KBTBD2: variants seen among roughly 807,000 people sequenced by gnomAD.
KBTBD2 encodes kelch repeat and BTB domain containing 2.
A neutral mutation model predicts 57.1 loss-of-function variants in KBTBD2; 17 were observed. The observed-to-expected ratio is 0.30, with a 90% confidence interval of 0.20 to 0.45. The LOEUF (loss-of-function observed/expected upper bound fraction) is 0.45, where lower values mean the gene tolerates loss of function less well. KBTBD2 is among the 20% of genes least tolerant of loss of function. The pLI, the probability that KBTBD2 is intolerant of heterozygous loss-of-function variation, is 1.00. For missense variants in KBTBD2, 515 were observed against 750.6 expected (o/e 0.69, Z 3.67); for synonymous variants, 267 against 262.7 (o/e 1.02, Z -0.16).
At position 32,869,216 on chromosome 7, in the gene KBTBD2, G is replaced by A; in HGVS notation, c.*129C>T. 3.2e-6 allele frequency: 2 copies of A among 623,976 alleles called. No homozygotes were observed. The highest frequency in any genetic ancestry group is 2.8e-6 in the Non-Finnish European group (1 of 362,074). The allele number at this position is 623,976 out of a possible 1,614,324, so 38.7% of individuals were successfully genotyped here. ...TTATACTGATGCAAATATTAAGTAG[G>A]GCATAAAAATAAAATTTATCAAAGA... On this transcript the variant is annotated 3_prime_UTR_variant, in exon 4 of 4. Coordinates refer to ENST00000304056, the MANE Select transcript of KBTBD2 (RefSeq NM_015483.3).
intron 1 of KBTBD2, among the ~76,000 whole-genome samples, chr7:32,884,560 C>A (rs1348775437): frequency 6.6e-6 from 1 of 151,528 alleles, no homozygotes; most frequent in East Asian, 1.9e-4. Context: ...TGTGATGGTG[C>A]GTGCCTGTAA....
intron 1 of KBTBD2, 144 bp downstream of exon 1, chr7:32,891,392 G>C (rs3750080): frequency 0.2 from 29,603 of 148,380 alleles, 3,667 homozygotes; most frequent in Admixed American, 0.4. Context: ...GAAGCGTCTC[G>C]GGTTTGAAAG....
At chr7:32,884,169 TA>T (rs1051908243) in intron 1 of KBTBD2, among the ~76,000 whole-genome samples, 1 of 152,176 alleles carries the variant, frequency 6.6e-6, no homozygotes, top group Non-Finnish European at 1.5e-5. Flanking sequence ...AAGACCTATT[TA>T]AACCTTCTGG....
At chr7:32,884,685 A>T (rs1037807176) in intron 1 of KBTBD2, among the ~76,000 whole-genome samples, 1 of 151,954 alleles carries the variant, frequency 6.6e-6, no homozygotes, top group African/African-American at 2.4e-5. Flanking sequence ...AGAGAGACTC[A>T]GTCTCAAAAA....
chr7:32,881,902 T>C (rs143098193), intron 1 of KBTBD2, among the ~76,000 whole-genome samples: 18 of 152,316 alleles, frequency 1.2e-4, no homozygotes, highest in South Asian at 4.1e-4. Context: ...CCAGATTTTA[T>C]AGAGGTATTG....
chr7:32,885,790 CTTT>C (rs919109653), intron 1 of KBTBD2, among the ~76,000 whole-genome samples: 1 of 152,040 alleles, frequency 6.6e-6, no homozygotes, highest in African/African-American at 2.4e-5. Flanking sequence ...CTTACTCCTT[CTTT>C]TAAGTCCTGC....
intron 3 of KBTBD2, among the ~76,000 whole-genome samples, chr7:32,873,384 C>CAA (rs544661966): frequency 0.25 from 26,703 of 107,494 alleles, 3,611 homozygotes; most frequent in African/African-American, 0.37. Flanking sequence ...AAGCTCTAAG[C>CAA]AAAAAAAAAA....
At chr7:32,880,604 A>C (rs573718313) in intron 1 of KBTBD2, among the ~76,000 whole-genome samples, 1 of 152,018 alleles carries the variant, frequency 6.6e-6, no homozygotes, top group Non-Finnish European at 1.5e-5. Context: ...AGAAAACTCC[A>C]TATTACACAA....
chr7:32,888,864 T>C (rs544997729), intron 1 of KBTBD2, among the ~76,000 whole-genome samples: 1 of 152,198 alleles, frequency 6.6e-6, no homozygotes, highest in Non-Finnish European at 1.5e-5. Flanking sequence ...TGTACTATAT[T>C]ATGATTAACA....
chr7:32,884,390 TAA>T (rs11363525), intron 1 of KBTBD2, among the ~76,000 whole-genome samples: 205 of 125,762 alleles, frequency 1.6e-3, no homozygotes, highest in African/African-American at 1.8e-3. Flanking sequence ...ATTTTTAATT[TAA>T]AAAAAAAAAA....
intron 1 of KBTBD2, among the ~76,000 whole-genome samples, chr7:32,882,444 T>C (rs1313173299): frequency 3.9e-5 from 6 of 152,224 alleles, no homozygotes; most frequent in African/African-American, 1.4e-4. Context: ...GACTGGGTTT[T>C]GCCAGATTTG....
At chr7:32,871,883 C>A (rs971034474) in intron 3 of KBTBD2, among the ~76,000 whole-genome samples, 3 of 151,816 alleles carry the variant, frequency 2.0e-5, no homozygotes, top group Non-Finnish European at 4.4e-5. Context: ...TGCATTTGAG[C>A]AAGCAGAAGT....
upstream of KBTBD2, chr7:32,891,893 C>CCCGCCGCCCCCGCCGCCCCCGCCGCCG (rs1368264288): frequency 4.5e-5 from 5 of 110,708 alleles, no homozygotes; most frequent in African/African-American, 1.8e-4. Flanking sequence ...CCCCGCCGCC[C>CCCGCCGCCCCCGCCGCCCCCGCCGCCG]CCGCCCCCGC....
At chr7:32,874,889 T>C in intron 3 of KBTBD2, 103 bp downstream of exon 3, 3 of 903,476 alleles carry the variant, frequency 3.3e-6, no homozygotes, top group Non-Finnish European at 5.0e-6. Context: ...GAGAATCACT[T>C]GAACCTGGGA....
rs540485194 is a variant in KBTBD2, at chr7:32,874,890, GA to G, written c.336+101del. On this transcript the variant is annotated intron_variant, in intron 3 of 3. Transcript: ENST00000304056. ...GGAGGCTGAGGCAGGAGAATCACTT[GA>G]ACCTGGGAGGCGGAGGTTGCAGTGA... The G allele has an allele frequency of 2.8e-5, 25 of 906,306 alleles. No individual in the cohort carries two copies. The African/African-American group carries it at 3.9e-4, about 14-fold the overall frequency. 56.1% of individuals were successfully genotyped at this position (906,306 alleles called of 1,614,324 possible). A position where few individuals can be genotyped will look rare whatever the true frequency, so the allele number is the denominator to read the frequency against.
In KBTBD2 at chr7:32,875,092, G is replaced by A. The variant is rs1189686711; in HGVS notation, c.236C>T (p.Ala79Val). 6.2e-7 allele frequency: 1 copy of A among 1,613,994 alleles called. No homozygotes were observed. Among genetic ancestry groups the A allele is most frequent in the Admixed American group, 1.7e-5 (1 of 60,006 alleles). The change falls in exon 3 of 4, where the codon GCT becomes GTT. Residue 79 changes from alanine to valine, a missense_variant. Ala to Val is a moderately conservative substitution (Grantham distance 64). Transcript: ENST00000304056. ...AGTTATTATTATCTGTAAGGTGGCA[G>A]CATCGACATTCCTCAGGTGTACATG... The part of the protein sequence containing the change: ...QTHVHLRNVD[A>V]ATLQIIITYA...
rs1442121048 is a variant in KBTBD2 at position 32,869,831 on chromosome 7, A to G, written c.1386T>C (p.Ala462=). 6 of 1,613,734 alleles carry G rather than the reference A, an allele frequency of 3.7e-6. No homozygotes were observed. The African/African-American group carries it at 6.7e-5, about 18-fold the overall frequency. ...MAMRQTSRSF[A]SAAAFGDKIF... ...TTTTATCACCAAAAGCTGCAGCTGA[A>G]GCAAAGGACCTACTAGTCTGTCTCA... The change falls in exon 4 of 4, where the codon GCT becomes GCC. Residue 462 remains alanine, a synonymous_variant. Transcript: ENST00000304056.
chr7:32,881,871 C>T lies in KBTBD2; in HGVS notation c.-338-1929G>A, dbSNP rs1040956833. ...TATTCAAAACTCTTGACACAAGACA[C>T]GCTCCAGAATTTACACTTTTCCAGA... is the stretch of plus-strand genomic sequence containing the variant. On this transcript the variant is annotated intron_variant, in intron 1 of 3. Coordinates refer to ENST00000304056, the MANE Select transcript of KBTBD2 (RefSeq NM_015483.3). Among the ~76,000 whole-genome samples the T allele has an allele frequency of 6.6e-5, 10 of 152,172 alleles. No individual in the cohort carries two copies. In the East Asian group the frequency reaches 1.2e-3, roughly 18 times the overall value.
chr7:32,871,357 G>C lies in KBTBD2; in HGVS notation c.337-477C>G, dbSNP rs1454793949. On this transcript the variant is annotated intron_variant, in intron 3 of 3. Transcript: ENST00000304056. ...GCACAATGAGTAAGAGTAGTTATTT[G>C]CCATTCTTATCGAGAGGTAAGATAA... Among the ~76,000 whole-genome samples the C allele has an allele frequency of 3.3e-5, 5 of 152,152 alleles. No homozygotes were observed. In the East Asian group the frequency reaches 9.6e-4, roughly 29 times the overall value.
Sources: gnomAD v4.1 joint callset for allele counts (sites outside exome capture counted in the v4.1 genomes callset) on GRCh38, gnomAD v4.1.1 for gene constraint, MANE v1.5 for transcripts, NCBI Gene and HGNC (gene_info 2026-07-23, HGNC 2026-07-21) for gene names.